The following TCF7L1 variants were observed in gnomAD, a reference collection of about 807,000 sequenced individuals.
TCF7L1 encodes transcription factor 7-like 1.
In TCF7L1, 18 loss-of-function variants were observed where a neutral mutation model predicts 63.7. That is an observed-to-expected ratio of 0.28 (90% CI 0.20 to 0.42). The LOEUF (loss-of-function observed/expected upper bound fraction) is 0.42. Ranked by LOEUF, TCF7L1 falls within the 10% of genes least tolerant of loss-of-function variation. The pLI is 1.00. For synonymous variants in TCF7L1, 355 were observed against 340.9 expected (o/e 1.04, Z -0.46); for missense variants, 654 against 779.3 (o/e 0.84, Z 1.91).
chr2:85,138,873 AAG>A (rs1028929157), intron 3 of TCF7L1, among the ~76,000 whole-genome samples: 18 of 152,242 alleles, frequency 1.2e-4, no homozygotes, highest in African/African-American at 4.1e-4. Context: ...GGAAATAAAA[AAG>A]AGTATAAATG....
chr2:85,283,381 T>C, intron 3 of TCF7L1, 114 bp from the exon 4 acceptor site: 3 of 1,036,934 alleles, frequency 2.9e-6, no homozygotes, highest in South Asian at 1.3e-5. Context: ...GGCATGAAAA[T>C]GCAGGCCACC....
intron 3 of TCF7L1, among the ~76,000 whole-genome samples, chr2:85,269,584 A>G (rs530270273): frequency 6.6e-6 from 1 of 152,380 alleles, no homozygotes; most frequent in South Asian, 2.1e-4. Flanking sequence ...CTGGGCTTAC[A>G]GGCGTGAGCC....
At chr2:85,142,808 C>G (rs1285819821) in intron 3 of TCF7L1, among the ~76,000 whole-genome samples, 1 of 152,208 alleles carries the variant, frequency 6.6e-6, no homozygotes, top group East Asian at 1.9e-4. Flanking sequence ...GTGCTGTATG[C>G]ACTGCCCAGG....
At chr2:85,285,448 C>A (rs1422870466) in intron 4 of TCF7L1, among the ~76,000 whole-genome samples, 1 of 152,140 alleles carries the variant, frequency 6.6e-6, no homozygotes, top group Non-Finnish European at 1.5e-5. Context: ...ACAGCCATCA[C>A]CAGGGAGTCA....
chr2:85,250,579 G>A (rs56852775), intron 3 of TCF7L1, among the ~76,000 whole-genome samples: 272 of 152,196 alleles, frequency 1.8e-3, no homozygotes, highest in African/African-American at 6.2e-3. Context: ...TGGGATTACA[G>A]GCGCCGGCCA....
chr2:85,263,738 C>T (rs1450357916), intron 3 of TCF7L1, among the ~76,000 whole-genome samples: 1 of 152,202 alleles, frequency 6.6e-6, no homozygotes, highest in African/African-American at 2.4e-5. Flanking sequence ...AGGAGGAAGG[C>T]TGGAGCCAGC....
intron 3 of TCF7L1, among the ~76,000 whole-genome samples, chr2:85,149,617 C>T (rs1176186615): frequency 3.9e-5 from 6 of 152,046 alleles, no homozygotes; most frequent in Non-Finnish European, 5.9e-5. Flanking sequence ...CTCCGCCTCC[C>T]GGGTTCACGC....
intron 3 of TCF7L1, among the ~76,000 whole-genome samples, chr2:85,274,859 T>C (rs1681236163): frequency 6.6e-6 from 1 of 152,182 alleles, no homozygotes; most frequent in African/African-American, 2.4e-5. Context: ...TGAACACAGA[T>C]TTCTTACAAG....
At chr2:85,303,757 G>A in intron 5 of TCF7L1, 138 bp from the exon 6 acceptor site, 3 of 616,364 alleles carry the variant, frequency 4.9e-6, no homozygotes, top group Non-Finnish European at 8.6e-6. Context: ...GGAGTTGACA[G>A]AGGGCAAGGA....
chr2:85,270,838 C>A (rs542099858), intron 3 of TCF7L1, among the ~76,000 whole-genome samples: 1 of 152,094 alleles, frequency 6.6e-6, no homozygotes, highest in Non-Finnish European at 1.5e-5. Context: ...TACAAGCGTG[C>A]GCCACCACAC....
chr2:85,196,370 T>C (rs1303709406), intron 3 of TCF7L1, among the ~76,000 whole-genome samples: 1 of 152,228 alleles, frequency 6.6e-6, no homozygotes, highest in Non-Finnish European at 1.5e-5. Flanking sequence ...GCTAGGACTA[T>C]AGGCGCAGGC....
chr2:85,221,413 G>A (rs1679837930), intron 3 of TCF7L1, among the ~76,000 whole-genome samples: 1 of 152,174 alleles, frequency 6.6e-6, no homozygotes, highest in African/African-American at 2.4e-5. Flanking sequence ...TGCTGTAACA[G>A]CACACCACAA....
At chr2:85,190,559 C>T (rs1679020538) in intron 3 of TCF7L1, among the ~76,000 whole-genome samples, 1 of 152,158 alleles carries the variant, frequency 6.6e-6, no homozygotes, top group South Asian at 2.1e-4. Context: ...AGCCAACACC[C>T]TGGGAACCTC....
intron 3 of TCF7L1, among the ~76,000 whole-genome samples, chr2:85,149,716 G>A (rs575225461): frequency 9.2e-5 from 14 of 152,158 alleles, no homozygotes; most frequent in South Asian, 6.2e-4. Context: ...GTAGAGACAG[G>A]GTTTCACTAT....
intron 3 of TCF7L1, among the ~76,000 whole-genome samples, chr2:85,188,875 G>C (rs1678987647): frequency 6.6e-6 from 1 of 152,194 alleles, no homozygotes; most frequent in Non-Finnish European, 1.5e-5. Context: ...TCCGGGTTGG[G>C]AAGCCTAAGA....
chr2:85,290,974 C>T (rs1412709378), intron 4 of TCF7L1, among the ~76,000 whole-genome samples: 1 of 152,220 alleles, frequency 6.6e-6, no homozygotes, highest in Non-Finnish European at 1.5e-5. Flanking sequence ...GTCATTCTTC[C>T]CTCTTCTTGA....
rs1166355994 is a variant in TCF7L1, at chr2:85,299,888, C to CACACACACACACACACACACACACAT, written c.526-2580_526-2579insACACACACATACACACACACACACAC. Among the ~76,000 whole-genome samples the CACACACACACACACACACACACACAT allele has an allele frequency of 2.0e-5, 3 of 151,406 alleles. No individual in the cohort carries two copies. In the Middle Eastern group the frequency reaches 9.6e-3, roughly 482 times the overall value. ...ACACACACACACACACACACACACA[C>CACACACACACACACACACACACACAT]ACACACACACACACACTGATGCCCA... On this transcript the variant is annotated intron_variant, in intron 4 of 11. Coordinates refer to ENST00000282111, the MANE Select transcript of TCF7L1 (RefSeq NM_031283.3).
chr2:85,190,347 G>T, intron 3 of TCF7L1, among the ~76,000 whole-genome samples: 1 of 152,204 alleles, frequency 6.6e-6, no homozygotes, highest in South Asian at 2.1e-4. Context: ...AAGGTGGGAA[G>T]TTGCCGTAGA....
intron 3 of TCF7L1, among the ~76,000 whole-genome samples, chr2:85,265,529 A>T (rs1298340928): frequency 6.6e-6 from 1 of 151,894 alleles, no homozygotes; most frequent in Non-Finnish European, 1.5e-5. Flanking sequence ...GGGGCTGTAG[A>T]GTGGACCCTT....
Sources: allele counts gnomAD v4.1 joint callset (sites outside exome capture counted in the v4.1 genomes callset), GRCh38; gene constraint gnomAD v4.1.1; transcripts MANE v1.5; gene names NCBI Gene and HGNC (gene_info 2026-07-23, HGNC 2026-07-21).